Variants in SUPT3H observed in about 807,000 individuals in gnomAD.
The protein encoded by SUPT3H is transcription initiation protein SPT3 homolog.
In SUPT3H, 44 loss-of-function variants were observed where a neutral mutation model predicts 44.3. That is an observed-to-expected ratio of 0.99 (90% CI 0.78 to 1.28). SUPT3H has a LOEUF of 1.28. SUPT3H is among the 50% of genes most tolerant of loss of function. The probability of loss-of-function intolerance (pLI) is 0.00; values close to 1 mark genes in which losing one functional copy is unlikely to be tolerated. For missense variants in SUPT3H, 380 were observed against 387.1 expected (o/e 0.98, Z 0.15); for synonymous variants, 124 against 125.6 (o/e 0.99, Z 0.09).
chr6:45,158,638 C>A (rs916643550), intron 2 of SUPT3H, among the ~76,000 whole-genome samples: 1 of 151,782 alleles, frequency 6.6e-6, no homozygotes, highest in South Asian at 2.1e-4. Flanking sequence ...GTGAGACATA[C>A]CCAGCCACTT....
chr6:45,078,811 G>A (rs143685335), intron 3 of SUPT3H, among the ~76,000 whole-genome samples: 2 of 152,008 alleles, frequency 1.3e-5, no homozygotes, highest in Non-Finnish European at 2.9e-5. Flanking sequence ...GTAAATATAC[G>A]GATAGTCTAA....
intron 2 of SUPT3H, among the ~76,000 whole-genome samples, chr6:45,175,168 C>T (rs184527595): frequency 1.3e-5 from 2 of 151,560 alleles, no homozygotes; most frequent in Admixed American, 6.6e-5. Context: ...ATATATATAC[C>T]GTATATGTTT....
chr6:45,347,529 T>C (rs1229738738), intron 2 of SUPT3H, among the ~76,000 whole-genome samples: 2 of 152,192 alleles, frequency 1.3e-5, no homozygotes, highest in Non-Finnish European at 1.5e-5. Flanking sequence ...ACCTTTAATA[T>C]ATTTTTTAAA....
At chr6:45,073,416 A>G (rs893854963) in intron 3 of SUPT3H, among the ~76,000 whole-genome samples, 4 of 152,170 alleles carry the variant, frequency 2.6e-5, no homozygotes, top group Middle Eastern at 3.4e-3. Context: ...CTCAGAAAAT[A>G]CAAAAAAAAG....
rs746279156 is a variant in SUPT3H at position 44,937,900 on chromosome 6, C to CTTTT, written c.802-5141_802-5138dup. Among the ~76,000 whole-genome samples the CTTTT allele has an allele frequency of 4.7e-4, 28 of 59,114 alleles. 4 individuals are homozygous for CTTTT. Among genetic ancestry groups the CTTTT allele is most frequent in the African/African-American group, 2.0e-3 (26 of 13,292 alleles). The allele number at this position is 59,114 out of a possible 152,430, so 38.8% of individuals were successfully genotyped here. A position where few individuals can be genotyped will look rare whatever the true frequency, so the allele number is the denominator to read the frequency against. The stretch of plus-strand genomic sequence containing the variant: ...ATTCTGCAGGTTCTTTGCTCACTAT[C>CTTTT]TTTTTTTTTTTTTTTTTTTTTTTTT... On this transcript the variant is annotated intron_variant, in intron 9 of 10. Coordinates refer to ENST00000371459, the MANE Select transcript of SUPT3H (RefSeq NM_003599.4).
intron 3 of SUPT3H, among the ~76,000 whole-genome samples, chr6:45,034,736 T>G (rs1487156964): frequency 2.0e-5 from 3 of 152,352 alleles, no homozygotes; most frequent in African/African-American, 7.2e-5. Flanking sequence ...ACATTATTTT[T>G]ACAAAACTGT....
chr6:44,858,836 C>A (rs1467148053), intron 10 of SUPT3H, among the ~76,000 whole-genome samples: 1 of 152,050 alleles, frequency 6.6e-6, no homozygotes, highest in Non-Finnish European at 1.5e-5. Flanking sequence ...GATATATTTG[C>A]TATAATACAT....
At chr6:44,908,295 G>A (rs1172675703) in intron 10 of SUPT3H, among the ~76,000 whole-genome samples, 1 of 151,734 alleles carries the variant, frequency 6.6e-6, no homozygotes, top group African/African-American at 2.4e-5. Context: ...GGGACTACAG[G>A]CGCCCACCAC....
intron 2 of SUPT3H, among the ~76,000 whole-genome samples, chr6:45,347,470 C>T (rs1305608896): frequency 6.6e-6 from 1 of 152,000 alleles, no homozygotes; most frequent in African/African-American, 2.4e-5. Flanking sequence ...AAAGGAATAT[C>T]CATGTATCAT....
At chr6:45,189,156 C>A (rs150951960) in intron 2 of SUPT3H, among the ~76,000 whole-genome samples, 2 of 152,106 alleles carry the variant, frequency 1.3e-5, no homozygotes, top group Non-Finnish European at 2.9e-5. Context: ...TGTGAGAGAT[C>A]ATTTGTCTTA....
chr6:45,118,868 T>G (rs994859415), intron 2 of SUPT3H, among the ~76,000 whole-genome samples: 1 of 152,204 alleles, frequency 6.6e-6, no homozygotes, highest in African/African-American at 2.4e-5. Flanking sequence ...GGGATATTAT[T>G]AGCAGCAGAG....
chr6:45,318,167 T>C (rs1020536218), intron 2 of SUPT3H, among the ~76,000 whole-genome samples: 5 of 152,066 alleles, frequency 3.3e-5, no homozygotes, highest in African/African-American at 1.2e-4. Flanking sequence ...ATGGTTAAGA[T>C]AGTAAATTTA....
chr6:45,281,278 C>T (rs570908845), intron 2 of SUPT3H, among the ~76,000 whole-genome samples: 129 of 152,242 alleles, frequency 8.5e-4, no homozygotes, highest in African/African-American at 2.7e-3. Flanking sequence ...AAGCATAAAT[C>T]GAAGTAGGGC....
intron 2 of SUPT3H, among the ~76,000 whole-genome samples, chr6:45,133,369 C>T (rs1803780057): frequency 6.6e-6 from 1 of 152,128 alleles, no homozygotes; most frequent in Non-Finnish European, 1.5e-5. Flanking sequence ...ACAGAATATT[C>T]TGATGTGGGA....
rs545661101 is a variant in SUPT3H, at chr6:45,375,876, C to T, written c.-1+1892G>A. 5.3e-5 allele frequency among the ~76,000 whole-genome samples: 8 copies of T among 149,786 alleles called. No individual in the cohort carries two copies. The East Asian group carries it at 1.4e-3, about 26-fold the overall frequency. The stretch of plus-strand genomic sequence containing the variant: ...TTTCAAGTAAAGTAATTTTGTGAAA[C>T]ATCTATTACCTAATTTCACTTATCT... On this transcript the variant is annotated intron_variant, in intron 1 of 10. Transcript: ENST00000371459.
At chr6:45,077,980 G>T (rs1297076993) in intron 3 of SUPT3H, among the ~76,000 whole-genome samples, 1 of 152,020 alleles carries the variant, frequency 6.6e-6, no homozygotes, top group Non-Finnish European at 1.5e-5. Context: ...TGGTTGGGGG[G>T]GTGGGGGAAC....
In SUPT3H at chr6:44,847,157, A is replaced by AT. The variant is rs552211902; in HGVS notation, c.913-17301dup. ...CTTAGCATCACAATGAAAGACTAATATTTTTTTTCTTGTATTTTAGTTTGG... is the reference window on the plus strand; with the variant it reads ...CTTAGCATCACAATGAAAGACTAATATTTTTTTTTCTTGTATTTTAGTTTGG... On this transcript the variant is annotated intron_variant, in intron 10 of 10. Coordinates refer to ENST00000371459, the MANE Select transcript of SUPT3H (RefSeq NM_003599.4). Among the ~76,000 whole-genome samples, 82 of 152,102 alleles carry AT rather than the reference A, an allele frequency of 5.4e-4. 1 individual carries two copies. The highest frequency in any genetic ancestry group is 1.5e-3 in the South Asian group (7 of 4,810).
At chr6:44,989,651 G>A (rs1403205210) in intron 6 of SUPT3H, among the ~76,000 whole-genome samples, 3 of 151,900 alleles carry the variant, frequency 2.0e-5, no homozygotes, top group African/African-American at 7.3e-5. Flanking sequence ...ATTCCTCCAC[G>A]CCCTAACACT....
At chr6:45,234,704 T>G (rs1401303674) in intron 2 of SUPT3H, among the ~76,000 whole-genome samples, 1 of 152,146 alleles carries the variant, frequency 6.6e-6, no homozygotes, top group Non-Finnish European at 1.5e-5. Context: ...CATGCCAACT[T>G]AAAATTATTC....
Sources: gnomAD v4.1 joint callset for allele counts (sites outside exome capture counted in the v4.1 genomes callset) on GRCh38, gnomAD v4.1.1 for gene constraint, MANE v1.5 for transcripts, NCBI Gene and HGNC (gene_info 2026-07-23, HGNC 2026-07-21) for gene names.